Variants in IGF2BP2 observed in about 807,000 individuals in gnomAD.
The protein encoded by IGF2BP2 is insulin-like growth factor 2 mRNA-binding protein 2.
IGF2BP2 carries 17 observed loss-of-function variants against 75.8 expected under a neutral mutation model. That is an observed-to-expected ratio of 0.22 (90% confidence interval 0.15 to 0.34). IGF2BP2 has a LOEUF of 0.34. Among genes scored for constraint, IGF2BP2 ranks in the 10% least tolerant of loss-of-function variants. The pLI is 1.00. For synonymous variants in IGF2BP2, 288 were observed against 295.6 expected, an observed-to-expected ratio of 0.97 and a Z score of 0.26; for missense variants, 516 against 772.4, an observed-to-expected ratio of 0.67 and a Z score of 3.93.
chr3:185,809,043 C>T (rs753153690), intron 2 of IGF2BP2, among the ~76,000 whole-genome samples: 2 of 151,714 alleles, frequency 1.3e-5, no homozygotes, highest in South Asian at 2.1e-4. Flanking sequence ...ATCTTAAATC[C>T]GATTCTTGTA....
chr3:185,795,957 C>T (rs1737317009), intron 2 of IGF2BP2, among the ~76,000 whole-genome samples: 1 of 152,266 alleles, frequency 6.6e-6, no homozygotes. Context: ...TTCAACACAA[C>T]AAACTATATG....
chr3:185,729,468 T>C (rs1053247063), intron 2 of IGF2BP2, among the ~76,000 whole-genome samples: 1 of 152,230 alleles, frequency 6.6e-6, no homozygotes, highest in Non-Finnish European at 1.5e-5. Flanking sequence ...TTTTATTTAC[T>C]ATTATGAGCT....
At chr3:185,789,353 C>T (rs538286771) in intron 2 of IGF2BP2, among the ~76,000 whole-genome samples, 1 of 152,280 alleles carries the variant, frequency 6.6e-6, no homozygotes, top group Admixed American at 6.5e-5. Context: ...GTCACAAACA[C>T]ATGACCTAGG....
chr3:185,800,718 A>AAAAGAAAGAAAGAAAGAAAG (rs1553893939), intron 2 of IGF2BP2, among the ~76,000 whole-genome samples: 19 of 143,356 alleles, frequency 1.3e-4, no homozygotes, highest in South Asian at 2.3e-4. Flanking sequence ...GAGCCAAAAA[A>AAAAGAAAGAAAGAAAGAAAG]AAAGAAAGAA....
chr3:185,801,195 A>G (rs1738207699), intron 2 of IGF2BP2, among the ~76,000 whole-genome samples: 1 of 152,226 alleles, frequency 6.6e-6, no homozygotes, highest in East Asian at 1.9e-4. Context: ...CGATTATTAA[A>G]AAGTCAGGAA....
At chr3:185,743,922 A>G (rs1479566516) in intron 2 of IGF2BP2, among the ~76,000 whole-genome samples, 2 of 152,192 alleles carry the variant, frequency 1.3e-5, no homozygotes, top group Non-Finnish European at 2.9e-5. Context: ...TTTAACACCC[A>G]GTCAGTCCTA....
chr3:185,814,739 T>C (rs1243414753), intron 2 of IGF2BP2, among the ~76,000 whole-genome samples: 1 of 152,208 alleles, frequency 6.6e-6, no homozygotes, highest in Non-Finnish European at 1.5e-5. Flanking sequence ...GGTTTAACTG[T>C]ATCTTAAGTC....
intron 2 of IGF2BP2, among the ~76,000 whole-genome samples, chr3:185,811,830 GTCTCTCTCTCTC>G (rs58208457): frequency 8.3e-4 from 100 of 120,800 alleles, no homozygotes; most frequent in East Asian, 6.0e-3. Flanking sequence ...AGAGTAGGGT[GTCTCTCTCTCTC>G]TCTCTCTCTC....
chr3:185,768,570 TA>T (rs934198402), intron 2 of IGF2BP2, among the ~76,000 whole-genome samples: 1 of 152,200 alleles, frequency 6.6e-6, no homozygotes, highest in East Asian at 1.9e-4. Context: ...TTAATACATA[TA>T]AAAATGATAT....
At chr3:185,793,547 CAG>C (rs1736921355) in intron 2 of IGF2BP2, among the ~76,000 whole-genome samples, 1 of 152,154 alleles carries the variant, frequency 6.6e-6, no homozygotes, top group Admixed American at 6.5e-5. Context: ...CATGAAACCT[CAG>C]GGGACAGATT....
intron 2 of IGF2BP2, chr3:185,716,468 C>G (rs748479993): frequency 1.9e-6 from 1 of 519,640 alleles, no homozygotes; most frequent in Non-Finnish European, 3.9e-6. Context: ...TCAGAGGTCT[C>G]TTCTTATGTC....
chr3:185,695,608 T>C (rs1332404615), intron 4 of IGF2BP2, among the ~76,000 whole-genome samples: 6 of 152,250 alleles, frequency 3.9e-5, no homozygotes, highest in Non-Finnish European at 8.8e-5. Context: ...TCTGGGACTC[T>C]TAAAGAGCTA....
chr3:185,644,600 G>GGC lies in IGF2BP2; in HGVS notation c.*930_*931insGC, dbSNP rs1180931666. The GGC allele has an allele frequency of 7.0e-6, 1 of 142,786 alleles. No homozygotes were observed. The highest frequency in any genetic ancestry group is 1.6e-5 in the Non-Finnish European group (1 of 64,326). 8.8% of individuals were successfully genotyped at this position (142,786 alleles called of 1,614,324 possible). ...AGCACTGCTTTGCCTGGGGGGGGGG[G>GGC]GGTGCGTAGATACGGGATTGAGATG... On this transcript the variant is annotated 3_prime_UTR_variant, in exon 16 of 16. Transcript: ENST00000382199.
At chr3:185,772,791 A>G (rs947931861) in intron 2 of IGF2BP2, among the ~76,000 whole-genome samples, 2 of 152,146 alleles carry the variant, frequency 1.3e-5, no homozygotes, top group Admixed American at 6.5e-5. Flanking sequence ...CATGTTAGCC[A>G]GGCTAGTCTT....
chr3:185,795,156 C>A (rs552858632), intron 2 of IGF2BP2, among the ~76,000 whole-genome samples: 1 of 152,190 alleles, frequency 6.6e-6, no homozygotes, highest in Non-Finnish European at 1.5e-5. Context: ...CTCGGCCTCC[C>A]AAAGTGCTGG....
chr3:185,733,457 GATA>G (rs1728445431), intron 2 of IGF2BP2, among the ~76,000 whole-genome samples: 1 of 152,136 alleles, frequency 6.6e-6, no homozygotes, highest in African/African-American at 2.4e-5. Context: ...AAATTTAACA[GATA>G]ATAAATCAGA....
intron 2 of IGF2BP2, among the ~76,000 whole-genome samples, chr3:185,749,879 G>A (rs1730732684): frequency 6.6e-6 from 1 of 152,076 alleles, no homozygotes; most frequent in Non-Finnish European, 1.5e-5. Flanking sequence ...AGAAAAATCA[G>A]GCAAACACAC....
At chr3:185,782,652 G>C (rs559709041) in intron 2 of IGF2BP2, among the ~76,000 whole-genome samples, 1 of 152,212 alleles carries the variant, frequency 6.6e-6, no homozygotes, top group African/African-American at 2.4e-5. Flanking sequence ...CCATCACTGG[G>C]AGCGCAGACT....
intron 2 of IGF2BP2, among the ~76,000 whole-genome samples, chr3:185,804,950 G>C (rs944979773): frequency 1.1e-4 from 16 of 149,204 alleles, no homozygotes; most frequent in Non-Finnish European, 1.2e-4. Context: ...CCAAGATGGC[G>C]CCACTGCACT....
Sources: allele counts gnomAD v4.1 joint callset (sites outside exome capture counted in the v4.1 genomes callset), GRCh38; gene constraint gnomAD v4.1.1; transcripts MANE v1.5; gene names NCBI Gene and HGNC (gene_info 2026-07-23, HGNC 2026-07-21).